Variants in SEMA3D observed in about 807,000 individuals in gnomAD.
The protein encoded by SEMA3D is semaphorin 3D.
Under a neutral mutation model 100.1 loss-of-function variants are expected in SEMA3D, and 84 were observed. That is an observed-to-expected ratio of 0.84 (90% confidence interval 0.70 to 1.01). SEMA3D has a LOEUF of 1.01. SEMA3D is among the 50% of genes least tolerant of loss of function. The pLI is 0.00. For missense variants in SEMA3D, 875 were observed against 934.1 expected (o/e 0.94, Z 0.82); for synonymous variants, 312 against 320.7 (o/e 0.97, Z 0.29).
At chr7:85,220,960 G>A in the SEMA3D span, among the ~76,000 whole-genome samples, 4 of 152,222 alleles carry the variant, frequency 2.6e-5, no homozygotes, top group East Asian at 7.7e-4. Context: ...ATAACTCAGA[G>A]CAGTAAACTG....
At chr7:85,249,406 G>A in the SEMA3D span, among the ~76,000 whole-genome samples, 3 of 152,166 alleles carry the variant, frequency 2.0e-5, no homozygotes, top group African/African-American at 7.2e-5. Context: ...ATAGAAAAAA[G>A]GACAGTAGGA....
chr7:84,999,759 A>G lies in SEMA3D; in HGVS notation c.2015T>C (p.Phe672Ser). 1 of 1,614,066 alleles carries G rather than the reference A, an allele frequency of 6.2e-7. No homozygotes were observed. Among genetic ancestry groups the G allele is most frequent in the Non-Finnish European group, 8.5e-7 (1 of 1,180,016 alleles). Residue 672 changes from phenylalanine to serine, a missense_variant, in exon 19 of 19, where the codon TTC (phenylalanine) becomes TCC (serine). Transcript: ENST00000284136. ...AGTCAGCTTCACTATGGTGTGGATG[A>G]AAGTGTGCTCCTGGGCTTTGCAGTA... ...MYYCKAQEHT[F>S]IHTIVKLTLN...
At chr7:85,083,340 G>A (rs1034910602) in intron 4 of SEMA3D, among the ~76,000 whole-genome samples, 1 of 152,150 alleles carries the variant, frequency 6.6e-6, no homozygotes, top group African/African-American at 2.4e-5. Flanking sequence ...TTAGTAAATA[G>A]ATTAACTAAA....
chr7:85,164,938 G>A (rs1398188543), intron 1 of SEMA3D, among the ~76,000 whole-genome samples: 1 of 152,052 alleles, frequency 6.6e-6, no homozygotes, highest in East Asian at 1.9e-4. Flanking sequence ...TGCTATACAA[G>A]AAATATAGAA....
At chr7:85,101,370 C>A (rs946005342) in intron 3 of SEMA3D, among the ~76,000 whole-genome samples, 4 of 151,976 alleles carry the variant, frequency 2.6e-5, no homozygotes, top group Admixed American at 2.6e-4. Flanking sequence ...TTGAACCATG[C>A]ATTGCATTGT....
intron 9 of SEMA3D, among the ~76,000 whole-genome samples, chr7:85,047,998 T>G (rs531647887): frequency 6.6e-6 from 1 of 151,910 alleles, no homozygotes; most frequent in Admixed American, 6.6e-5. Flanking sequence ...TAGTTTGAAT[T>G]AATACTACTC....
At chr7:85,037,236 C>T (rs1469265121) in intron 11 of SEMA3D, among the ~76,000 whole-genome samples, 1 of 152,114 alleles carries the variant, frequency 6.6e-6, no homozygotes, top group East Asian at 1.9e-4. Context: ...ACTTCATCGC[C>T]AGTAAATATA....
At chr7:85,097,754 G>A in intron 4 of SEMA3D, 51 bp downstream of exon 4, 1 of 1,183,634 alleles carries the variant, frequency 8.4e-7, no homozygotes, top group Non-Finnish European at 1.2e-6. Flanking sequence ...GGGAGAAGAA[G>A]AGAGATGAAA....
In SEMA3D at chr7:85,078,599, C is replaced by A. The variant is rs116544374; in HGVS notation, c.375+2918G>T. On this transcript the variant is annotated intron_variant, in intron 5 of 18. Transcript: ENST00000284136. ...TGAATAACTTTCCTCTAAATAGAAG[C>A]AAAATACTACCAAATATCTTTCTGT... Among the ~76,000 whole-genome samples the A allele has an allele frequency of 7.8e-3, 1,190 of 152,228 alleles. 12 individuals carry two copies. Among genetic ancestry groups the A allele is most frequent in the African/African-American group, 0.027 (1,136 of 41,524 alleles).
At chr7:85,094,174 A>T (rs1370760595) in intron 4 of SEMA3D, among the ~76,000 whole-genome samples, 1 of 152,058 alleles carries the variant, frequency 6.6e-6, no homozygotes, top group East Asian at 1.9e-4. Flanking sequence ...CATGTGAGAG[A>T]ACAATGAATA....
At chr7:85,248,138 C>A in the SEMA3D span, among the ~76,000 whole-genome samples, 1 of 151,916 alleles carries the variant, frequency 6.6e-6, no homozygotes, top group African/African-American at 2.4e-5. Flanking sequence ...AAAAAGAAAA[C>A]AATCTGATAA....
At chr7:85,173,077 C>A (rs1237158723) in intron 1 of SEMA3D, among the ~76,000 whole-genome samples, 2 of 151,758 alleles carry the variant, frequency 1.3e-5, no homozygotes, top group African/African-American at 4.8e-5. Context: ...AGAGCAGACC[C>A]AACTTGGAAG....
chr7:85,203,545 C>T, the SEMA3D span, among the ~76,000 whole-genome samples: 1 of 152,046 alleles, frequency 6.6e-6, no homozygotes, highest in Non-Finnish European at 1.5e-5. Flanking sequence ...AAAATATAAG[C>T]ACCTGGAAAC....
At chr7:85,222,546 G>A in the SEMA3D span, among the ~76,000 whole-genome samples, 1 of 152,058 alleles carries the variant, frequency 6.6e-6, no homozygotes, top group Admixed American at 6.6e-5. Flanking sequence ...TATATTCACT[G>A]TTCTAAAAGT....
chr7:85,142,237 C>T lies in SEMA3D; in HGVS notation c.-41+11371G>A, dbSNP rs534528980. ...AATCAAGGTTTGAGATATCATCTCT[C>T]TACCAATATAATAAATTTTTGAACC... On this transcript the variant is annotated intron_variant, in intron 2 of 18. Coordinates refer to ENST00000284136, the MANE Select transcript of SEMA3D (RefSeq NM_001384900.1). 5.5e-5 allele frequency: 54 copies of T among 979,986 alleles called. No homozygotes were observed. In the African/African-American group the frequency reaches 8.7e-4, roughly 16 times the overall value. 60.7% of individuals were successfully genotyped at this position (979,986 alleles called of 1,614,324 possible). A position where few individuals can be genotyped will look rare whatever the true frequency, so the allele number is the denominator to read the frequency against.
chr7:85,172,148 T>C (rs918828685), intron 1 of SEMA3D, among the ~76,000 whole-genome samples: 3 of 152,004 alleles, frequency 2.0e-5, no homozygotes, highest in Non-Finnish European at 4.4e-5. Flanking sequence ...AAGATGAACA[T>C]TGTAGAGTGA....
chr7:85,073,186 G>A (rs1304186404), intron 5 of SEMA3D, 105 bp from the exon 6 acceptor site: 3 of 1,013,112 alleles, frequency 3.0e-6, no homozygotes, highest in Admixed American at 2.3e-5. Flanking sequence ...AAAAATAAGA[G>A]CACAAATGAA....
intron 5 of SEMA3D, among the ~76,000 whole-genome samples, chr7:85,076,160 T>G (rs1201833010): frequency 1.3e-5 from 2 of 152,144 alleles, no homozygotes; most frequent in Non-Finnish European, 2.9e-5. Flanking sequence ...TGTATTCAAC[T>G]TAGGACAAGT....
intron 12 of SEMA3D, among the ~76,000 whole-genome samples, chr7:85,034,214 C>A (rs556056110): frequency 1.3e-5 from 2 of 151,836 alleles, no homozygotes; most frequent in Non-Finnish European, 2.9e-5. Flanking sequence ...GAATAATATC[C>A]CCATATCCTA....
Sources: gnomAD v4.1 joint callset for allele counts (sites outside exome capture counted in the v4.1 genomes callset) on GRCh38, gnomAD v4.1.1 for gene constraint, MANE v1.5 for transcripts, NCBI Gene and HGNC (gene_info 2026-07-23, HGNC 2026-07-21) for gene names.